Variants in DZIP1 observed in about 807,000 individuals in gnomAD.
DZIP1 encodes the protein DAZ interacting zinc finger protein 1, also known as cilium assembly protein DZIP1.
A neutral mutation model predicts 107.6 loss-of-function variants in DZIP1; 97 were observed. The observed-to-expected ratio is 0.90, with a 90% confidence interval of 0.77 to 1.07. The LOEUF (loss-of-function observed/expected upper bound fraction) is 1.07. Ranked by LOEUF, DZIP1 falls within the 50% of genes least tolerant of loss-of-function variation. The pLI is 0.00. For missense variants in DZIP1, 1,035 were observed against 1,063.6 expected, an observed-to-expected ratio of 0.97 and a Z score of 0.37; for synonymous variants, 390 against 386.4, an observed-to-expected ratio of 1.01 and a Z score of -0.11.
intron 8 of DZIP1, among the ~76,000 whole-genome samples, chr13:95,624,466 G>T (rs543525420): frequency 6.6e-6 from 1 of 152,146 alleles, no homozygotes; most frequent in African/African-American, 2.4e-5. Flanking sequence ...CAAAACTCAG[G>T]GAGGAGTTTA....
chr13:95,621,005 G>T (rs1875767329), intron 9 of DZIP1, among the ~76,000 whole-genome samples: 1 of 152,204 alleles, frequency 6.6e-6, no homozygotes, highest in Non-Finnish European at 1.5e-5. Context: ...GACAGGCCCT[G>T]CTCTGCACGG....
In DZIP1 at chr13:95,641,752, G is replaced by A. The variant is rs753956710; in HGVS notation, c.140C>T (p.Pro47Leu). 10 of 1,586,960 alleles carry A rather than the reference G, an allele frequency of 6.3e-6. No individual in the cohort carries two copies. Among genetic ancestry groups the A allele is most frequent in the Non-Finnish European group, 8.5e-6 (10 of 1,173,086 alleles). ...CAGGGGCCCCGAAGCCGCGCTGGGGGGCGCACAGGCCATGGAGGCCGCACC... is the reference window on the plus strand; with the variant it reads ...CAGGGGCCCCGAAGCCGCGCTGGGGAGCGCACAGGCCATGGAGGCCGCACC... ...AAGAASMACA[P>L]PSAASGPLPF... Residue 47 changes from proline (P) to leucine (L), a missense_variant, in exon 5 of 23, where the codon CCC becomes CTC. Pro to Leu is a moderately conservative substitution (Grantham distance 98, BLOSUM62 -3). Transcript: ENST00000376829. The surrounding 1 kb of genome is among the most constrained non-coding windows in gnomAD (Gnocchi z 4.3).
chr13:95,644,385 C>G lies in DZIP1; in HGVS notation c.-534G>C, dbSNP rs1878879435. Reference sequence around the variant, plus strand: ...CCCCGGTCTCGGCTCACCCCAGCTGCGCGCTCCTGGGCGGGTGCCGGGCGC... The same window carrying G: ...CCCCGGTCTCGGCTCACCCCAGCTGGGCGCTCCTGGGCGGGTGCCGGGCGC... On this transcript the variant is annotated 5_prime_UTR_variant, in exon 1 of 23. Coordinates refer to ENST00000376829, the MANE Select transcript of DZIP1 (RefSeq NM_198968.4). 1 of 152,534 alleles carries G rather than the reference C, an allele frequency of 6.6e-6. No individual in the cohort carries two copies. The allele number at this position is 152,534 out of a possible 1,614,324, so 9.4% of individuals were successfully genotyped here.
intron 19 of DZIP1, 99 bp downstream of exon 19, chr13:95,589,055 G>A (rs191019669): frequency 3.6e-5 from 33 of 910,936 alleles, no homozygotes; most frequent in East Asian, 5.0e-5. Context: ...AAATAATTAC[G>A]GCTTCATTCA....
chr13:95,636,267 G>A (rs1877804568), intron 5 of DZIP1, among the ~76,000 whole-genome samples: 3 of 152,040 alleles, frequency 2.0e-5, no homozygotes, highest in African/African-American at 7.2e-5. Context: ...ATAGGGCCGG[G>A]TGCAGTGGCT....
At chr13:95,616,793 A>T (rs746972378) in intron 10 of DZIP1, among the ~76,000 whole-genome samples, 16 of 152,114 alleles carry the variant, frequency 1.1e-4, no homozygotes, top group Non-Finnish European at 2.2e-4. Context: ...TCTCAACCAC[A>T]GAATACGGCA....
intron 14 of DZIP1, among the ~76,000 whole-genome samples, chr13:95,603,482 G>T (rs534955517): frequency 2.0e-5 from 3 of 152,022 alleles, no homozygotes; most frequent in Non-Finnish European, 4.4e-5. Flanking sequence ...TGGGAAAAGC[G>T]GTTATTTTGC....
At chr13:95,637,615 TCTCTCTCTC>T (rs1443586713) in intron 5 of DZIP1, among the ~76,000 whole-genome samples, 9 of 11,542 alleles carry the variant, frequency 7.8e-4, no homozygotes, top group Non-Finnish European at 3.2e-3. Flanking sequence ...TCTCTCTCTC[TCTCTCTCTC>T]TCTCTCTCTC....
chr13:95,594,201 T>C (rs1363078647), intron 15 of DZIP1, 115 bp from the exon 16 acceptor site: 1 of 857,856 alleles, frequency 1.2e-6, no homozygotes, highest in Non-Finnish European at 1.8e-6. Context: ...ATTTGTGATG[T>C]TTTAAAGTTT....
chr13:95,588,903 T>G (rs1359984332), intron 19 of DZIP1, among the ~76,000 whole-genome samples: 1 of 152,216 alleles, frequency 6.6e-6, no homozygotes, highest in Non-Finnish European at 1.5e-5. Flanking sequence ...TGTAGGGGGA[T>G]GGACATAAGA....
chr13:95,622,436 G>A lies in DZIP1; in HGVS notation c.1017C>T (p.Asn339=). The change falls in exon 9 of 23, where the codon AAC becomes AAT. Residue 339 remains asparagine, a synonymous_variant. Transcript: ENST00000376829. The part of the protein sequence containing the change: ...IQKSNMQIKS[N]IGTLKDAHEF... The stretch of plus-strand genomic sequence containing the variant: ...CGTGTGCATCTTTTAATGTGCCTAT[G>A]TTGGACTTGATCTGCATATTGGACT... 1.2e-6 allele frequency: 2 copies of A among 1,614,208 alleles called. No homozygotes were observed. Among genetic ancestry groups the A allele is most frequent in the Non-Finnish European group, 8.5e-7 (1 of 1,180,020 alleles).
Position 95,641,819 on chromosome 13 carries a change from C to G in DZIP1, c.73G>C (p.Gly25Arg). 6.9e-7 allele frequency: 1 copy of G among 1,457,452 alleles called. No individual in the cohort carries two copies. Among genetic ancestry groups the G allele is most frequent in the East Asian group, 2.6e-5 (1 of 37,780 alleles). The allele number at this position is 1,457,452 out of a possible 1,614,324, so 90.3% of individuals were successfully genotyped here. A position where few individuals can be genotyped will look rare whatever the true frequency, so the allele number is the denominator to read the frequency against. Residue 25 changes from glycine (G) to arginine (R), a missense_variant, in exon 5 of 23, where the codon GGC (glycine) becomes CGC (arginine). Gly to Arg is a moderately radical substitution (Grantham distance 125). Transcript: ENST00000376829. The surrounding 1 kb of genome is among the most constrained non-coding windows in gnomAD (Gnocchi z 4.3). ...QKHVYYPLAS[G>R]PEGPDVAVAA... ...ACAGCGACGTCGGGCCCCTCTGGGC[C>G]GCTGGCGAGCGGGTAGTAGACATGC...
intron 7 of DZIP1, among the ~76,000 whole-genome samples, chr13:95,626,139 C>A (rs1434737050): frequency 2.0e-5 from 3 of 151,512 alleles, no homozygotes; most frequent in African/African-American, 7.3e-5. Flanking sequence ...CTCCAAAAAA[C>A]AAATATAGAA....
In DZIP1 at chr13:95,606,026, T is replaced by C; in HGVS notation, c.1454A>G (p.Lys485Arg). ...NAPALHTLET[K>R]SSLPMVHEQA... Reference sequence around the variant, plus strand: ...ACCATGCACCATTGGCAGACTTGATTTAGTTTCCAAAGTGTGCAGGGCTGG... The same window carrying C: ...ACCATGCACCATTGGCAGACTTGATCTAGTTTCCAAAGTGTGCAGGGCTGG... The change falls in exon 14 of 23, where the codon AAA (lysine) becomes AGA (arginine). Residue 485 changes from lysine to arginine, a missense_variant. Physicochemically the swap from Lys to Arg is conservative, Grantham distance 26 (BLOSUM62 2). Coordinates refer to ENST00000376829, the MANE Select transcript of DZIP1 (RefSeq NM_198968.4). 1 of 1,614,028 alleles carries C rather than the reference T, an allele frequency of 6.2e-7. No individual in the cohort carries two copies.
intron 11 of DZIP1, 107 bp downstream of exon 11, chr13:95,611,930 T>C (rs907395802): frequency 4.4e-5 from 61 of 1,375,548 alleles, no homozygotes; most frequent in Non-Finnish European, 5.7e-5. Flanking sequence ...AAATATTCCA[T>C]CTTCCTCACC....
intron 17 of DZIP1, among the ~76,000 whole-genome samples, 170 bp downstream of exon 17, chr13:95,590,109 A>G (rs1296598595): frequency 6.6e-6 from 1 of 152,206 alleles, no homozygotes; most frequent in Non-Finnish European, 1.5e-5. Context: ...AAAATCCAAG[A>G]CCCAGCATTT....
Position 95,612,136 on chromosome 13 carries a change from A to G in DZIP1, c.1215T>C (p.Asp405=), listed in dbSNP as rs2045030951. The G allele has an allele frequency of 5.6e-6, 9 of 1,613,144 alleles. No homozygotes were observed. In the South Asian group the frequency reaches 8.8e-5, roughly 16 times the overall value. Residue 405 remains aspartate (D), a synonymous_variant, in exon 11 of 23, where the codon GAT becomes GAC. Transcript: ENST00000376829. ...HIEKLRTSMI[D]DLNASNVFYK... is the part of the protein sequence containing the mutation. The stretch of plus-strand genomic sequence containing the variant: ...AGAAAACATTGCTTGCATTTAGATC[A>G]TCTATCATTGAGGTTCGAAGTTTCT...
At chr13:95,627,009 T>C (rs1209062661) in intron 7 of DZIP1, among the ~76,000 whole-genome samples, 2 of 152,180 alleles carry the variant, frequency 1.3e-5, no homozygotes, top group Non-Finnish European at 2.9e-5. Context: ...GAAAAGCCAA[T>C]CCTCAATTTC....
chr13:95,617,992 A>C, intron 10 of DZIP1: 1 of 519,036 alleles, frequency 1.9e-6, no homozygotes, highest in South Asian at 1.4e-5. Context: ...CAAACCCAAG[A>C]ACTTCATCTT....
Sources: gnomAD v4.1 joint callset for allele counts (sites outside exome capture counted in the v4.1 genomes callset) on GRCh38, gnomAD v4.1.1 for gene constraint, Gnocchi (gnomAD v3.1) non-coding constraint, MANE v1.5 for transcripts, NCBI Gene and HGNC (gene_info 2026-07-23, HGNC 2026-07-21) for gene names.